The following ERC2 variants were observed in gnomAD, a reference collection of about 807,000 sequenced individuals.
ERC2 encodes ERC protein 2.
ERC2 carries 42 observed loss-of-function variants against 114.8 expected under a neutral mutation model. The ratio of observed to expected loss-of-function variants is 0.37; its 90% CI spans 0.29 to 0.47. The LOEUF is 0.47. Among genes scored for constraint, ERC2 ranks in the 20% least tolerant of loss-of-function variants. The pLI is 0.99. For missense variants in ERC2, 939 were observed against 1,150.7 expected, an observed-to-expected ratio of 0.82 and a Z score of 2.66; for synonymous variants, 454 against 425.5, an observed-to-expected ratio of 1.07 and a Z score of -0.82.
At chr3:55,663,576 C>T (rs56167149) in intron 17 of ERC2, among the ~76,000 whole-genome samples, 6,210 of 152,262 alleles carry the variant, frequency 0.041, 188 homozygotes, top group Non-Finnish European at 0.062. Context: ...CTGCAGATCA[C>T]CTATCAGGGT....
intron 17 of ERC2, among the ~76,000 whole-genome samples, chr3:55,563,167 G>T (rs1230621662): frequency 6.6e-6 from 1 of 152,128 alleles, no homozygotes; most frequent in Non-Finnish European, 1.5e-5. Flanking sequence ...CTGTTTGGAA[G>T]GCTGAGCTTC....
chr3:56,110,470 T>C (rs2078901471), intron 6 of ERC2, among the ~76,000 whole-genome samples: 1 of 152,140 alleles, frequency 6.6e-6, no homozygotes, highest in Admixed American at 6.6e-5. Context: ...TATAACTACA[T>C]GGGCACAAGT....
chr3:55,921,952 G>A (rs2065455983), intron 13 of ERC2, among the ~76,000 whole-genome samples: 1 of 151,964 alleles, frequency 6.6e-6, no homozygotes, highest in Non-Finnish European at 1.5e-5. Flanking sequence ...CTTTGCTCTT[G>A]CTAAATTCTA....
chr3:55,808,296 G>A (rs1018060979), intron 14 of ERC2, among the ~76,000 whole-genome samples: 8 of 152,132 alleles, frequency 5.3e-5, no homozygotes, highest in Non-Finnish European at 8.8e-5. Context: ...CAATGACGGC[G>A]TTAATTATTT....
intron 2 of ERC2, among the ~76,000 whole-genome samples, chr3:56,308,426 G>A (rs1023289661): frequency 1.3e-5 from 2 of 152,180 alleles, no homozygotes; most frequent in Non-Finnish European, 2.9e-5. Flanking sequence ...CTTAGCCAAC[G>A]TTTATAAGAG....
chr3:55,986,117 GT>G (rs2149514297), intron 11 of ERC2, 129 bp from the exon 12 acceptor site: 1 of 893,668 alleles, frequency 1.1e-6, no homozygotes, highest in East Asian at 2.7e-5. Flanking sequence ...ATATCAGCAG[GT>G]TTATAACTAA....
In ERC2 at chr3:56,205,963, ATATAT is replaced by A. The variant is rs2048700015; in HGVS notation, c.1075-32448_1075-32444del. Among the ~76,000 whole-genome samples the A allele has an allele frequency of 3.3e-5, 5 of 152,232 alleles. No individual in the cohort carries two copies. In the South Asian group the frequency reaches 1.0e-3, roughly 32 times the overall value. On this transcript the variant is annotated intron_variant, in intron 3 of 17. Coordinates refer to ENST00000288221, the MANE Select transcript of ERC2 (RefSeq NM_015576.3). ...CATAAGACTCAACACTACAAAAATC[ATATAT>A]GGGGTTTCTGATAGCAACTGTTACT... is the stretch of plus-strand genomic sequence containing the variant.
chr3:55,829,260 G>A (rs545455158), intron 14 of ERC2, among the ~76,000 whole-genome samples: 1 of 152,200 alleles, frequency 6.6e-6, no homozygotes, highest in Non-Finnish European at 1.5e-5. Flanking sequence ...AGACTTTAAA[G>A]CAACTATTAT....
intron 8 of ERC2, 127 bp downstream of exon 8, chr3:56,018,767 A>C: frequency 9.8e-7 from 1 of 1,023,088 alleles, no homozygotes; most frequent in Non-Finnish European, 1.4e-6. Flanking sequence ...AAGAACAAGG[A>C]CCAGCTGGGA....
At chr3:56,056,997 A>G (rs913145565) in intron 7 of ERC2, among the ~76,000 whole-genome samples, 3 of 152,164 alleles carry the variant, frequency 2.0e-5, no homozygotes, top group African/African-American at 7.2e-5. Flanking sequence ...GAACTTGTCT[A>G]ACCTACATAG....
At chr3:55,861,227 G>T (rs1331341573) in intron 14 of ERC2, among the ~76,000 whole-genome samples, 1 of 152,164 alleles carries the variant, frequency 6.6e-6, no homozygotes, top group Non-Finnish European at 1.5e-5. Flanking sequence ...GACATCAAAG[G>T]CAGATCCATC....
chr3:55,705,843 C>T (rs577655316), intron 15 of ERC2, among the ~76,000 whole-genome samples: 2 of 152,168 alleles, frequency 1.3e-5, no homozygotes, highest in South Asian at 4.1e-4. Flanking sequence ...GTTTTTATAC[C>T]TACTCATTAA....
chr3:55,593,295 T>C (rs989301684), intron 17 of ERC2, among the ~76,000 whole-genome samples: 1 of 152,142 alleles, frequency 6.6e-6, no homozygotes, highest in Non-Finnish European at 1.5e-5. Context: ...AACATGGAGA[T>C]GGAGAGGGAG....
chr3:56,370,341 G>A (rs1255149653), intron 2 of ERC2, among the ~76,000 whole-genome samples: 1 of 152,148 alleles, frequency 6.6e-6, no homozygotes, highest in Admixed American at 6.5e-5. Flanking sequence ...ATGGACAATT[G>A]CATTGCTCCG....
At chr3:55,944,770 G>A (rs937915593) in intron 13 of ERC2, among the ~76,000 whole-genome samples, 4 of 152,092 alleles carry the variant, frequency 2.6e-5, no homozygotes, top group Admixed American at 1.3e-4. Context: ...AGCAAAAGTC[G>A]TTTTTTTGGC....
intron 14 of ERC2, among the ~76,000 whole-genome samples, chr3:55,876,419 G>C (rs1465484825): frequency 1.3e-5 from 2 of 152,168 alleles, no homozygotes; most frequent in Non-Finnish European, 2.9e-5. Context: ...CCTGCGCTGT[G>C]TTCTCACTTC....
chr3:55,822,404 T>C (rs191934579), intron 14 of ERC2, among the ~76,000 whole-genome samples: 7 of 152,278 alleles, frequency 4.6e-5, no homozygotes, highest in Admixed American at 2.0e-4. Context: ...TAAGACCTGT[T>C]ACACCCCTTA....
At chr3:55,695,446 T>C (rs1332764798) in intron 16 of ERC2, among the ~76,000 whole-genome samples, 1 of 152,192 alleles carries the variant, frequency 6.6e-6, no homozygotes, top group African/African-American at 2.4e-5. Flanking sequence ...GGGGGCTAGA[T>C]TCTTGAGCTG....
chr3:56,377,240 G>A (rs1472382808), intron 2 of ERC2, among the ~76,000 whole-genome samples: 1 of 152,000 alleles, frequency 6.6e-6, no homozygotes, highest in Non-Finnish European at 1.5e-5. Flanking sequence ...GACCAGAAAG[G>A]AACACATGAA....
Sources: allele counts gnomAD v4.1 joint callset (sites outside exome capture counted in the v4.1 genomes callset), GRCh38; gene constraint gnomAD v4.1.1; transcripts MANE v1.5; gene names NCBI Gene and HGNC (gene_info 2026-07-23, HGNC 2026-07-21).